ACO2: variants seen among roughly 807,000 people sequenced by gnomAD.
ACO2 encodes aconitase 2.
ACO2 carries 31 observed loss-of-function variants against 84.5 expected under a neutral mutation model. That is an observed-to-expected ratio of 0.37 (90% confidence interval 0.28 to 0.50). The LOEUF (loss-of-function observed/expected upper bound fraction) is 0.50. ACO2 is among the 20% of genes least tolerant of loss of function. ACO2 has a pLI of 0.97. For missense variants in ACO2, 685 were observed against 1,029.3 expected (o/e 0.67, Z 4.58); for synonymous variants, 414 against 412.7 (o/e 1.00, Z -0.04).
chr22:41,494,097 T>C (rs2066294133), intron 1 of ACO2, among the ~76,000 whole-genome samples: 1 of 152,220 alleles, frequency 6.6e-6, no homozygotes, highest in Non-Finnish European at 1.5e-5. Flanking sequence ...ACAGACACTT[T>C]CACATAGTTG....
intron 3 of ACO2, 53 bp downstream of exon 3, chr22:41,508,102 G>T (rs2066407941): frequency 6.4e-7 from 1 of 1,569,814 alleles, no homozygotes; most frequent in Non-Finnish European, 8.7e-7. Context: ...TGGGCGAGAG[G>T]CCTCACCCTC....
At chr22:41,523,141 C>A in intron 10 of ACO2, 64 bp from the exon 11 acceptor site, 1 of 1,544,682 alleles carries the variant, frequency 6.5e-7, no homozygotes, top group Non-Finnish European at 8.9e-7. Flanking sequence ...GCAGCCACCA[C>A]ATCACCCCTT....
chr22:41,495,581 T>A (rs1417512069), intron 1 of ACO2, among the ~76,000 whole-genome samples: 1 of 152,150 alleles, frequency 6.6e-6, no homozygotes, highest in Non-Finnish European at 1.5e-5. Flanking sequence ...TGTATTGTCT[T>A]GCCTACTGAC....
chr22:41,528,379 T>C, intron 17 of ACO2, 100 bp from the exon 18 acceptor site: 2 of 1,514,174 alleles, frequency 1.3e-6, no homozygotes, highest in African/African-American at 1.4e-5. Context: ...CCTGCTGACC[T>C]CTTAGGTCCC....
Position 41,527,476 on chromosome 22 carries a change from ACT to A in ACO2, c.2086+60_2086+61del, listed in dbSNP as rs2066625653. 1.9e-6 allele frequency: 3 copies of A among 1,553,512 alleles called. No individual in the cohort carries two copies. In the African/African-American group the frequency reaches 4.1e-5, roughly 21 times the overall value. On this transcript the variant is annotated intron_variant, in intron 16 of 17. Transcript: ENST00000216254. Reference sequence around the variant, plus strand: ...CATCCCATCCCTAGTGATCAAGGTCACTCTCCCTGCCCGTGGCTGAGTTGGGC... The same window carrying A: ...CATCCCATCCCTAGTGATCAAGGTCACTCCCTGCCCGTGGCTGAGTTGGGC...
At chr22:41,474,403 C>T (rs1323676245) in intron 1 of ACO2, among the ~76,000 whole-genome samples, 1 of 147,656 alleles carries the variant, frequency 6.8e-6, no homozygotes, top group Non-Finnish European at 1.5e-5. Flanking sequence ...ATGCCATTCT[C>T]CTGCCTCAGC....
At chr22:41,486,016 G>A (rs1045704989) in intron 1 of ACO2, among the ~76,000 whole-genome samples, 4 of 152,078 alleles carry the variant, frequency 2.6e-5, no homozygotes, top group African/African-American at 4.8e-5. Context: ...TGCCCTCTGC[G>A]ACCCTGCTCA....
intron 3 of ACO2, among the ~76,000 whole-genome samples, chr22:41,509,726 A>G (rs2066420048): frequency 1.3e-5 from 2 of 151,250 alleles, no homozygotes; most frequent in South Asian, 4.2e-4. Context: ...TGAGGTGGGC[A>G]GGGGCAGCCA....
chr22:41,469,806 T>C (rs1168340504), intron 1 of ACO2, among the ~76,000 whole-genome samples: 1 of 147,756 alleles, frequency 6.8e-6, no homozygotes, highest in Non-Finnish European at 1.5e-5. Context: ...ATTTGATTCC[T>C]GTAATCGTAG....
chr22:41,472,010 G>A (rs1055340922), intron 1 of ACO2, among the ~76,000 whole-genome samples: 43 of 152,176 alleles, frequency 2.8e-4, no homozygotes, highest in Non-Finnish European at 2.6e-4. Context: ...TGTAATAGTT[G>A]TAAAGTATTT....
chr22:41,494,729 T>C (rs2066300685), intron 1 of ACO2, among the ~76,000 whole-genome samples: 1 of 150,530 alleles, frequency 6.6e-6, no homozygotes, highest in African/African-American at 2.4e-5. Flanking sequence ...TATCAACATA[T>C]GATTTTGTCC....
chr22:41,488,086 C>G (rs572763101), intron 1 of ACO2, among the ~76,000 whole-genome samples: 6 of 152,310 alleles, frequency 3.9e-5, no homozygotes, highest in Admixed American at 2.6e-4. Flanking sequence ...TGTGGCCTCA[C>G]TGAATCTTGC....
In ACO2 at chr22:41,527,264, ACCTTAC is replaced by A. The variant is rs1308095416; in HGVS notation, c.1954-21_1954-16del. The A allele has an allele frequency of 1.2e-6, 2 of 1,613,766 alleles. No individual in the cohort carries two copies. The highest frequency in any genetic ancestry group is 2.7e-5 in the African/African-American group (2 of 74,850). On this transcript the variant is annotated intron_variant, in intron 15 of 17. Transcript: ENST00000216254. ...GGACGGTGCCCTCCTCTGCCTTATA[ACCTTAC>A]CCCCGCTTGCCTGACAGAAACATGG... is the stretch of plus-strand genomic sequence containing the variant.
At chr22:41,486,945 G>T (rs1303451595) in intron 1 of ACO2, among the ~76,000 whole-genome samples, 3 of 151,632 alleles carry the variant, frequency 2.0e-5, no homozygotes, top group African/African-American at 4.9e-5. Context: ...GTGCAGTGGC[G>T]CCATCTCGGC....
At chr22:41,488,677 G>A (rs1249079337) in intron 1 of ACO2, among the ~76,000 whole-genome samples, 1 of 152,200 alleles carries the variant, frequency 6.6e-6, no homozygotes, top group African/African-American at 2.4e-5. Context: ...ACATGAAGGT[G>A]AAGGCTGTGG....
At chr22:41,524,406 G>A (rs1019744813) in intron 12 of ACO2, among the ~76,000 whole-genome samples, 2 of 152,262 alleles carry the variant, frequency 1.3e-5, no homozygotes, top group African/African-American at 4.8e-5. Context: ...GGCCGTGACT[G>A]GCACATGGCC....
Position 41,528,912 on chromosome 22 carries a change from T to C in ACO2, c.*299T>C. The C allele has an allele frequency of 1.9e-6, 1 of 518,488 alleles. No individual in the cohort carries two copies. The highest frequency in any genetic ancestry group is 2.6e-5 in the South Asian group (1 of 38,070). 32.1% of individuals were successfully genotyped at this position (518,488 alleles called of 1,614,324 possible). On this transcript the variant is annotated 3_prime_UTR_variant, in exon 18 of 18. Transcript: ENST00000216254. ...GTTTTTCTCCTGCCTGATCATTTCA[T>C]TGGTGGCTGAAGGATTCTAGAGAAC...
At chr22:41,503,758 C>G (rs1180413262) in intron 2 of ACO2, among the ~76,000 whole-genome samples, 1 of 152,154 alleles carries the variant, frequency 6.6e-6, no homozygotes, top group African/African-American at 2.4e-5. Flanking sequence ...GGGGTTGGGG[C>G]TTACTGTTAC....
chr22:41,512,896 C>T (rs544222107), intron 4 of ACO2, among the ~76,000 whole-genome samples: 9 of 152,308 alleles, frequency 5.9e-5, no homozygotes, highest in East Asian at 1.9e-4. Flanking sequence ...CCTGCCTCTT[C>T]GCACCTTTGC....
Sources: allele counts gnomAD v4.1 joint callset (sites outside exome capture counted in the v4.1 genomes callset), GRCh38; gene constraint gnomAD v4.1.1; transcripts MANE v1.5; gene names NCBI Gene and HGNC (gene_info 2026-07-23, HGNC 2026-07-21).